PCDH11X: variants seen among roughly 807,000 people sequenced by gnomAD.
PCDH11X encodes protocadherin 11 X-linked, also known as protocadherin-11 X-linked.
In PCDH11X, 18 loss-of-function variants were observed where a neutral mutation model predicts 53.3. The observed-to-expected ratio is 0.34, with a 90% confidence interval of 0.23 to 0.50. PCDH11X has a LOEUF of 0.50. PCDH11X is among the 20% of genes least tolerant of loss of function. PCDH11X has a pLI of 0.98. For missense variants in PCDH11X, 570 were observed against 1,032.4 expected, an observed-to-expected ratio of 0.55 and a Z score of 6.14; for synonymous variants, 279 against 393.3, an observed-to-expected ratio of 0.71 and a Z score of 3.44.
At chrX:92,027,235 A>G (rs758135326) in intron 6 of PCDH11X, among the ~76,000 whole-genome samples, 1 of 111,287 alleles carries the variant, frequency 9.0e-6, no homozygotes, top group South Asian at 3.7e-4. Context: ...ATATGATAAT[A>G]TATTGGTATG....
In PCDH11X at chrX:92,555,448, C is replaced by A. The variant is rs138572117; in HGVS notation, c.3368-62816C>A. ...ACCTGAAATTTTGACAGAAAAATGT[C>A]TAATATTTTCTGGAATATAATAATA... On this transcript the variant is annotated intron_variant, in intron 10 of 10. Coordinates refer to ENST00000682573, the MANE Select transcript of PCDH11X (RefSeq NM_032968.5). Among the ~76,000 whole-genome samples, 515 of 111,684 alleles carry A rather than the reference C, an allele frequency of 4.6e-3. 5 individuals are homozygous for A. The South Asian group carries it at 0.071, about 15-fold the overall frequency.
chrX:91,923,744 C>A (rs1026692944), intron 6 of PCDH11X, among the ~76,000 whole-genome samples: 3 of 110,163 alleles, frequency 2.7e-5, no homozygotes, highest in Non-Finnish European at 3.8e-5. Context: ...CTTTAGAGAA[C>A]CCTAACTAAT....
chrX:91,791,953 C>T (rs1386185734), intron 1 of PCDH11X, among the ~76,000 whole-genome samples: 21 of 107,024 alleles, frequency 2.0e-4, no homozygotes, highest in African/African-American at 6.5e-4. Context: ...GCTCCGCCTC[C>T]CGGGTTCACG....
At chrX:92,059,171 A>G (rs1364925077) in intron 6 of PCDH11X, among the ~76,000 whole-genome samples, 1 of 107,569 alleles carries the variant, frequency 9.3e-6, no homozygotes, top group Non-Finnish European at 1.9e-5. Context: ...AAGGGCTGAT[A>G]AAAAGTTCCA....
At chrX:92,167,822 A>G (rs745377416) in intron 6 of PCDH11X, among the ~76,000 whole-genome samples, 61 of 111,679 alleles carry the variant, frequency 5.5e-4, no homozygotes, top group South Asian at 3.7e-3. Context: ...GAAATTATTC[A>G]TTGTATAATA....
chrX:92,282,812 A>G (rs1387063850), intron 8 of PCDH11X, among the ~76,000 whole-genome samples: 2 of 111,276 alleles, frequency 1.8e-5, no homozygotes, highest in East Asian at 5.6e-4. Context: ...GCAGATTGCT[A>G]TCGTTTTTCA....
chrX:92,180,228 T>C (rs933057794), intron 6 of PCDH11X, among the ~76,000 whole-genome samples: 1 of 110,667 alleles, frequency 9.0e-6, no homozygotes, highest in Non-Finnish European at 1.9e-5. Context: ...TGAGAACTCC[T>C]TCACTATCAT....
chrX:92,215,799 A>G (rs1240209707), intron 7 of PCDH11X, among the ~76,000 whole-genome samples: 1 of 105,700 alleles, frequency 9.5e-6, no homozygotes, highest in Non-Finnish European at 1.9e-5. Flanking sequence ...ACTGGGAGGC[A>G]CCCCCCAGTA....
chrX:92,370,694 G>C (rs771950059), intron 8 of PCDH11X, among the ~76,000 whole-genome samples: 3 of 110,765 alleles, frequency 2.7e-5, no homozygotes, highest in Non-Finnish European at 5.7e-5. Flanking sequence ...TCTTGACCTC[G>C]TGATCCGCCC....
intron 6 of PCDH11X, among the ~76,000 whole-genome samples, chrX:91,987,897 A>T (rs2062252881): frequency 9.0e-6 from 1 of 111,086 alleles, no homozygotes; most frequent in African/African-American, 3.3e-5. Flanking sequence ...AAAAACTCTC[A>T]CAAAAATAAT....
chrX:91,896,163 C>T (rs933804393), intron 6 of PCDH11X, among the ~76,000 whole-genome samples: 9 of 109,307 alleles, frequency 8.2e-5, no homozygotes, highest in Non-Finnish European at 1.5e-4. Flanking sequence ...CTCTCTCTGT[C>T]ACCCAGGCTG....
intron 10 of PCDH11X, among the ~76,000 whole-genome samples, chrX:92,533,193 A>G (rs1459520450): frequency 1.8e-5 from 2 of 111,396 alleles, no homozygotes; most frequent in East Asian, 2.8e-4. Context: ...TTATAGTAAA[A>G]CATAGCCATA....
chrX:91,839,647 A>T (rs894458538), intron 5 of PCDH11X, among the ~76,000 whole-genome samples: 23 of 110,041 alleles, frequency 2.1e-4, no homozygotes, highest in African/African-American at 7.6e-4. Context: ...AAAGGGAAAA[A>T]GTGGGGGAAT....
At chrX:92,295,520 G>T (rs1484519324) in intron 8 of PCDH11X, among the ~76,000 whole-genome samples, 1 of 109,321 alleles carries the variant, frequency 9.1e-6, no homozygotes, top group Non-Finnish European at 1.9e-5. Flanking sequence ...AATTATCTTC[G>T]CTAGGTCCTC....
chrX:91,909,101 ATT>A (rs1941289292), intron 6 of PCDH11X, among the ~76,000 whole-genome samples: 1 of 111,228 alleles, frequency 9.0e-6, no homozygotes, highest in African/African-American at 3.3e-5. Context: ...AAGCTATTTT[ATT>A]GTTATAAGAG....
intron 10 of PCDH11X, among the ~76,000 whole-genome samples, chrX:92,616,862 G>A (rs890911642): frequency 9.0e-6 from 1 of 110,912 alleles, no homozygotes; most frequent in Non-Finnish European, 1.9e-5. Context: ...AGTATTCCAA[G>A]CTAAGAACAT....
At chrX:92,042,203 A>C (rs1178732954) in intron 6 of PCDH11X, among the ~76,000 whole-genome samples, 5 of 111,114 alleles carry the variant, frequency 4.5e-5, no homozygotes, top group Admixed American at 3.9e-4. Context: ...ATAGCTTAAG[A>C]TATCTTAAAA....
intron 6 of PCDH11X, among the ~76,000 whole-genome samples, chrX:92,149,118 C>T (rs1371506849): frequency 9.0e-6 from 1 of 110,816 alleles, no homozygotes; most frequent in Non-Finnish European, 1.9e-5. Flanking sequence ...AAAACATCAA[C>T]CCTATAACTG....
intron 6 of PCDH11X, among the ~76,000 whole-genome samples, chrX:92,173,972 G>A (rs2065862843): frequency 1.4e-5 from 1 of 71,916 alleles, no homozygotes; most frequent in Non-Finnish European, 2.5e-5. Context: ...GTGATAGAGT[G>A]AGACCCAGTC....
Sources: gnomAD v4.1 joint callset for allele counts (sites outside exome capture counted in the v4.1 genomes callset) on GRCh38, gnomAD v4.1.1 for gene constraint, MANE v1.5 for transcripts, NCBI Gene and HGNC (gene_info 2026-07-23, HGNC 2026-07-21) for gene names.